COMMD1: variants seen among roughly 807,000 people sequenced by gnomAD.
COMMD1 encodes the protein copper metabolism domain containing 1, also known as COMM domain-containing protein 1.
COMMD1 carries 10 observed loss-of-function variants against 17.2 expected under a neutral mutation model. The observed-to-expected ratio is 0.58, with a 90% confidence interval of 0.36 to 0.99. The LOEUF (loss-of-function observed/expected upper bound fraction) is 0.99, where lower values mean the gene tolerates loss of function less well. COMMD1 is among the 50% of genes least tolerant of loss of function. The probability of loss-of-function intolerance (pLI) is 0.01; values close to 1 mark genes in which losing one functional copy is unlikely to be tolerated. For missense variants in COMMD1, 270 were observed against 231.8 expected, an observed-to-expected ratio of 1.17 and a Z score of -1.07; for synonymous variants, 97 against 91.6, an observed-to-expected ratio of 1.06 and a Z score of -0.34.
chr2:61,940,909 C>T (rs1033240627), intron 1 of COMMD1, among the ~76,000 whole-genome samples: 18 of 151,598 alleles, frequency 1.2e-4, no homozygotes, highest in Non-Finnish European at 2.4e-4. Context: ...AGGATGGTCT[C>T]GATCTCCTGA....
At chr2:62,122,523 G>A (rs1469261350) in intron 2 of COMMD1, among the ~76,000 whole-genome samples, 1 of 151,606 alleles carries the variant, frequency 6.6e-6, no homozygotes, top group African/African-American at 2.4e-5. Context: ...CCTATAACAG[G>A]GAACAGAGTG....
At chr2:62,106,645 G>A (rs571218107) in intron 2 of COMMD1, among the ~76,000 whole-genome samples, 6 of 152,330 alleles carry the variant, frequency 3.9e-5, no homozygotes, top group African/African-American at 1.2e-4. Context: ...ACGTAGAGTC[G>A]TCTCAGGATT....
intron 1 of COMMD1, among the ~76,000 whole-genome samples, chr2:61,974,114 T>A (rs542076681): frequency 2.7e-4 from 41 of 152,080 alleles, no homozygotes; most frequent in African/African-American, 9.4e-4. Flanking sequence ...GCAAACATGG[T>A]GAAACCCTGT....
intron 1 of COMMD1, among the ~76,000 whole-genome samples, chr2:61,894,274 A>G (rs1669504009): frequency 6.6e-6 from 1 of 152,006 alleles, no homozygotes. Flanking sequence ...TGGCTATTGA[A>G]TTTTTTTAGT....
At chr2:62,059,960 T>G (rs1670812778) in intron 2 of COMMD1, among the ~76,000 whole-genome samples, 1 of 152,204 alleles carries the variant, frequency 6.6e-6, no homozygotes, top group Non-Finnish European at 1.5e-5. Context: ...GGAATTCCAT[T>G]TTAATTTCTC....
At chr2:62,037,286 T>C (rs1670066135) in intron 2 of COMMD1, among the ~76,000 whole-genome samples, 1 of 152,170 alleles carries the variant, frequency 6.6e-6, no homozygotes, top group Non-Finnish European at 1.5e-5. Context: ...TATATTTAAC[T>C]TGGGAAACAA....
At chr2:62,013,697 TAGAGAATG>T (rs1198949173) in intron 2 of COMMD1, among the ~76,000 whole-genome samples, 3 of 152,290 alleles carry the variant, frequency 2.0e-5, no homozygotes, top group East Asian at 3.9e-4. Context: ...GGAAGGGATG[TAGAGAATG>T]AGAGAAAGTG....
intron 1 of COMMD1, among the ~76,000 whole-genome samples, chr2:61,964,748 C>G (rs950520201): frequency 6.6e-6 from 1 of 152,196 alleles, no homozygotes; most frequent in Non-Finnish European, 1.5e-5. Context: ...TGGCTCAGGC[C>G]TGTAATCCCA....
intron 2 of COMMD1, among the ~76,000 whole-genome samples, chr2:62,060,423 CAGT>C (rs992225922): frequency 9.9e-5 from 15 of 152,138 alleles, no homozygotes; most frequent in African/African-American, 1.4e-4. Context: ...TTCTTTTATG[CAGT>C]AGTTGTCATG....
At chr2:61,966,022 G>A (rs988078748) in intron 1 of COMMD1, among the ~76,000 whole-genome samples, 1 of 152,184 alleles carries the variant, frequency 6.6e-6, no homozygotes, top group African/African-American at 2.4e-5. Flanking sequence ...TCTGAGCACA[G>A]TCATTTTCTA....
rs115618023 is a variant in COMMD1 at position 61,936,712 on chromosome 2, C to T, written c.180+30854C>T. On this transcript the variant is annotated intron_variant, in intron 1 of 2. Transcript: ENST00000311832. ...GCTGCTGAAGTGCTGGGGTTATAGA[C>T]ATGAGCCACCACACCTGGCCTTCCA... Among the ~76,000 whole-genome samples the T allele has an allele frequency of 4.9e-3, 753 of 152,280 alleles. 7 individuals are homozygous for T. The highest frequency in any genetic ancestry group is 0.017 in the African/African-American group (716 of 41,534).
intron 1 of COMMD1, among the ~76,000 whole-genome samples, chr2:61,924,001 T>C (rs1467641032): frequency 1.3e-5 from 2 of 152,186 alleles, no homozygotes; most frequent in African/African-American, 2.4e-5. Flanking sequence ...GATCTTGAAC[T>C]CATGTGCTCA....
intron 1 of COMMD1, among the ~76,000 whole-genome samples, chr2:61,942,009 A>G (rs1327141415): frequency 6.6e-6 from 1 of 152,064 alleles, no homozygotes; most frequent in Non-Finnish European, 1.5e-5. Context: ...ATTTAGTTTT[A>G]TTTGTACAGT....
chr2:61,908,614 G>A (rs1430258767), intron 1 of COMMD1, among the ~76,000 whole-genome samples: 1 of 151,970 alleles, frequency 6.6e-6, no homozygotes, highest in African/African-American at 2.4e-5. Flanking sequence ...AGGCCAGAGT[G>A]CAGTGGCGTG....
In COMMD1 at chr2:61,913,432, C is replaced by G. The variant is rs1368689409; in HGVS notation, c.180+7574C>G. ...GTGGCTCATGCCTGTAATCCCAGCA[C>G]TTTGGGAGGCCGAGGCAGATGGATC... On this transcript the variant is annotated intron_variant, in intron 1 of 2. Coordinates refer to ENST00000311832, the MANE Select transcript of COMMD1 (RefSeq NM_152516.4). Among the ~76,000 whole-genome samples the G allele has an allele frequency of 2.0e-5, 3 of 149,436 alleles. No homozygotes were observed. The East Asian group carries it at 6.0e-4, about 30-fold the overall frequency.
At chr2:61,894,110 A>AT (rs1669501362) in intron 1 of COMMD1, among the ~76,000 whole-genome samples, 1 of 152,032 alleles carries the variant, frequency 6.6e-6, no homozygotes, top group South Asian at 2.1e-4. Flanking sequence ...TTATTTATTT[A>AT]TTTTTTTGAG....
intron 2 of COMMD1, among the ~76,000 whole-genome samples, chr2:62,020,622 C>T (rs1669585409): frequency 1.3e-5 from 2 of 152,208 alleles, no homozygotes; most frequent in Admixed American, 1.3e-4. Flanking sequence ...AAACAAAAGT[C>T]ACACCTAAAA....
Position 62,097,850 on chromosome 2 carries a change from C to A in COMMD1, c.463-37981C>A, listed in dbSNP as rs557811994. On this transcript the variant is annotated intron_variant, in intron 2 of 2. Transcript: ENST00000311832. ...TTTTCCCCATTTATGGCTATTTCTA[C>A]TTCTCCTAAAGCATTAGTTAGAAGT... Among the ~76,000 whole-genome samples the A allele has an allele frequency of 5.3e-5, 8 of 152,296 alleles. No individual in the cohort carries two copies. The South Asian group carries it at 1.5e-3, about 28-fold the overall frequency.
chr2:61,970,114 T>C (rs1671606570), intron 1 of COMMD1, among the ~76,000 whole-genome samples: 1 of 151,724 alleles, frequency 6.6e-6, no homozygotes, highest in South Asian at 2.1e-4. Flanking sequence ...AAAAATTAGC[T>C]GGGTGTGGTG....
Sources: gnomAD v4.1 joint callset for allele counts (sites outside exome capture counted in the v4.1 genomes callset) on GRCh38, gnomAD v4.1.1 for gene constraint, MANE v1.5 for transcripts, NCBI Gene and HGNC (gene_info 2026-07-23, HGNC 2026-07-21) for gene names.